The following RPS6KA2 variants were observed in gnomAD, a reference collection of about 807,000 sequenced individuals.
RPS6KA2 encodes the protein ribosomal protein S6 kinase alpha-2.
Under a neutral mutation model 91.8 loss-of-function variants are expected in RPS6KA2, and 42 were observed. That is an observed-to-expected ratio of 0.46 (90% confidence interval 0.36 to 0.59). RPS6KA2 has a LOEUF of 0.59. Ranked by LOEUF, RPS6KA2 falls within the 20% of genes least tolerant of loss-of-function variation. The pLI is 0.00. For synonymous variants in RPS6KA2, 414 were observed against 393.6 expected (o/e 1.05, Z -0.61); for missense variants, 798 against 978.5 (o/e 0.82, Z 2.46).
At chr6:166,684,121 A>G (rs755510475) in intron 2 of RPS6KA2, among the ~76,000 whole-genome samples, 2 of 152,200 alleles carry the variant, frequency 1.3e-5, no homozygotes, top group Non-Finnish European at 2.9e-5. Context: ...CCAGTGAGGT[A>G]GGAGACGGGA....
chr6:166,436,718 C>A (rs568554337), intron 14 of RPS6KA2, among the ~76,000 whole-genome samples: 4 of 152,188 alleles, frequency 2.6e-5, no homozygotes, highest in African/African-American at 9.6e-5. Flanking sequence ...CACAGGGCAG[C>A]GAGGAGGGTG....
At chr6:166,808,405 G>T (rs939186853) in intron 2 of RPS6KA2, among the ~76,000 whole-genome samples, 3 of 152,162 alleles carry the variant, frequency 2.0e-5, no homozygotes, top group Non-Finnish European at 2.9e-5. Context: ...AGTGTGAGCT[G>T]TACAATTGAT....
intron 2 of RPS6KA2, among the ~76,000 whole-genome samples, chr6:166,660,327 CAT>C (rs1788126009): frequency 6.8e-6 from 1 of 148,148 alleles, no homozygotes; most frequent in Admixed American, 6.7e-5. Flanking sequence ...TGTGTGTGTG[CAT>C]GTGTGTGTGT....
intron 1 of RPS6KA2, among the ~76,000 whole-genome samples, chr6:166,553,770 C>T (rs539011262): frequency 6.6e-6 from 1 of 152,244 alleles, no homozygotes; most frequent in African/African-American, 2.4e-5. Flanking sequence ...TTTCTGCACC[C>T]ATTACAAGCT....
intron 2 of RPS6KA2, among the ~76,000 whole-genome samples, chr6:166,856,604 T>C (rs985863885): frequency 6.6e-6 from 1 of 152,206 alleles, no homozygotes; most frequent in Admixed American, 6.5e-5. Context: ...GTCAGCCTCC[T>C]GAAGCCAACT....
At chr6:166,487,325 C>T (rs1355181842) in intron 10 of RPS6KA2, among the ~76,000 whole-genome samples, 1 of 152,108 alleles carries the variant, frequency 6.6e-6, no homozygotes, top group African/African-American at 2.4e-5. Flanking sequence ...ACCCATGCCA[C>T]GGGGAGCTCA....
At chr6:166,729,332 T>C (rs1048675542) in intron 2 of RPS6KA2, among the ~76,000 whole-genome samples, 16 of 152,200 alleles carry the variant, frequency 1.1e-4, no homozygotes, top group African/African-American at 3.9e-4. Flanking sequence ...TCACCTGCCA[T>C]TGCTCAGGAT....
chr6:166,805,407 T>G (rs1161632372), intron 2 of RPS6KA2, among the ~76,000 whole-genome samples: 1 of 152,234 alleles, frequency 6.6e-6, no homozygotes, highest in Non-Finnish European at 1.5e-5. Flanking sequence ...CCAGGAGATT[T>G]AAAGAATCGG....
At chr6:166,797,836 G>A (rs1779263632) in intron 2 of RPS6KA2, among the ~76,000 whole-genome samples, 1 of 152,178 alleles carries the variant, frequency 6.6e-6, no homozygotes, top group African/African-American at 2.4e-5. Flanking sequence ...TAAGCACAGA[G>A]GTGATTGATA....
At chr6:166,442,950 A>G (rs1779566566) in intron 14 of RPS6KA2, among the ~76,000 whole-genome samples, 1 of 152,208 alleles carries the variant, frequency 6.6e-6, no homozygotes, top group Non-Finnish European at 1.5e-5. Context: ...GAAGTTGAAA[A>G]TGCACATATA....
intron 2 of RPS6KA2, among the ~76,000 whole-genome samples, chr6:166,790,763 A>G (rs1779062045): frequency 6.6e-6 from 1 of 152,238 alleles, no homozygotes; most frequent in Non-Finnish European, 1.5e-5. Flanking sequence ...CAGCCAAACT[A>G]AGCTTCATAA....
intron 2 of RPS6KA2, among the ~76,000 whole-genome samples, chr6:166,652,281 G>A (rs1193432008): frequency 6.6e-6 from 1 of 152,068 alleles, no homozygotes; most frequent in Non-Finnish European, 1.5e-5. Context: ...TTTATATTCT[G>A]GTTTTATTTC....
At chr6:166,670,758 G>A (rs1333040784) in intron 2 of RPS6KA2, among the ~76,000 whole-genome samples, 1 of 152,162 alleles carries the variant, frequency 6.6e-6, no homozygotes, top group East Asian at 1.9e-4. Flanking sequence ...GATGATGGGA[G>A]TTTCTCTACT....
At chr6:166,796,636 T>C (rs1779232068) in intron 2 of RPS6KA2, among the ~76,000 whole-genome samples, 1 of 152,246 alleles carries the variant, frequency 6.6e-6, no homozygotes, top group African/African-American at 2.4e-5. Flanking sequence ...TGAAGAAATC[T>C]ATTGCTCTTC....
chr6:166,475,754 G>T (rs1780948745), intron 10 of RPS6KA2: 1 of 530,842 alleles, frequency 1.9e-6, no homozygotes, highest in Non-Finnish European at 3.9e-6. Flanking sequence ...TTCAGGGGAT[G>T]TGGAGGTGGG....
At chr6:166,783,826 GCACACGTGCACACCTATCTATACCACA>G (rs1778844839) in intron 2 of RPS6KA2, among the ~76,000 whole-genome samples, 1 of 60,066 alleles carries the variant, frequency 1.7e-5, no homozygotes, top group Admixed American at 1.7e-4. Context: ...AACCACATAT[GCACACGTGCACACCTATCTATACCACA>G]TATGCACACG....
At chr6:166,628,620 C>T (rs1786981512), upstream of RPS6KA2, among the ~76,000 whole-genome samples, 1 of 152,254 alleles carries the variant, frequency 6.6e-6, no homozygotes, top group Non-Finnish European at 1.5e-5. Flanking sequence ...TGGAGACCCG[C>T]GTTGAGCGGT....
Position 166,627,036 on chromosome 6 carries a change from C to G in RPS6KA2, c.-17G>C, listed in dbSNP as rs751545831. ...CAGGTCCATCGCCCCGCGCCCAGCC[C>G]GGAGCAGCCGCAGGGCCGGGGGACG... is the stretch of plus-strand genomic sequence containing the variant. On this transcript the variant is annotated 5_prime_UTR_variant, in exon 1 of 21. Transcript: ENST00000265678. The G allele has an allele frequency of 7.0e-7, 1 of 1,431,918 alleles. No homozygotes were observed. Among genetic ancestry groups the G allele is most frequent in the Non-Finnish European group, 9.3e-7 (1 of 1,079,078 alleles). 88.7% of individuals were successfully genotyped at this position (1,431,918 alleles called of 1,614,324 possible). A position where few individuals can be genotyped will look rare whatever the true frequency, so the allele number is the denominator to read the frequency against.
chr6:166,692,984 C>A (rs770133978), intron 2 of RPS6KA2, among the ~76,000 whole-genome samples: 1 of 152,212 alleles, frequency 6.6e-6, no homozygotes, highest in African/African-American at 2.4e-5. Flanking sequence ...AATTGTCACT[C>A]GGGATCATCC....
Sources: gnomAD v4.1 joint callset for allele counts (sites outside exome capture counted in the v4.1 genomes callset) on GRCh38, gnomAD v4.1.1 for gene constraint, MANE v1.5 for transcripts, NCBI Gene and HGNC (gene_info 2026-07-23, HGNC 2026-07-21) for gene names.